PCDH7: variants seen among roughly 807,000 people sequenced by gnomAD.
The protein encoded by PCDH7 is protocadherin-7.
Under a neutral mutation model 58.9 loss-of-function variants are expected in PCDH7, and 17 were observed. That is an observed-to-expected ratio of 0.29 (90% CI 0.20 to 0.43). PCDH7 has a LOEUF of 0.43. PCDH7 is among the 20% of genes least tolerant of loss of function. The probability of loss-of-function intolerance (pLI) is 1.00; values close to 1 mark genes in which losing one functional copy is unlikely to be tolerated. For missense variants in PCDH7, 1,274 were observed against 1,441.0 expected, an observed-to-expected ratio of 0.88 and a Z score of 1.88; for synonymous variants, 664 against 616.4, an observed-to-expected ratio of 1.08 and a Z score of -1.14.
chr4:30,763,346 C>T (rs527779826), intron 1 of PCDH7, among the ~76,000 whole-genome samples: 1 of 152,248 alleles, frequency 6.6e-6, no homozygotes, highest in Non-Finnish European at 1.5e-5. Flanking sequence ...AAACATATTG[C>T]TATAAAGTCT....
chr4:31,056,597 G>A (rs914139410), intron 3 of PCDH7, among the ~76,000 whole-genome samples: 6 of 145,108 alleles, frequency 4.1e-5, no homozygotes, highest in African/African-American at 1.5e-4. Context: ...GAGGAAGGAA[G>A]GAAAGGAGAG....
Position 30,804,534 on chromosome 4 carries a change from T to TA in PCDH7, c.70+79955dup, listed in dbSNP as rs200449475. ...AACCTGGCAACAGAGCAAGACTATC[T>TA]AAAAAAAAAAAAAAAAAGATGTCAG... On this transcript the variant is annotated intron_variant, in intron 1 of 3. Coordinates refer to the PCDH7 transcript ENST00000509759. 4.5e-3 allele frequency among the ~76,000 whole-genome samples: 562 copies of TA among 125,772 alleles called. 1 individual carries two copies. The highest frequency in any genetic ancestry group is 0.014 in the Middle Eastern group (3 of 220). 82.5% of individuals were successfully genotyped at this position (125,772 alleles called of 152,430 possible).
chr4:30,758,633 A>G (rs1719620474), intron 1 of PCDH7, among the ~76,000 whole-genome samples: 1 of 152,166 alleles, frequency 6.6e-6, no homozygotes, highest in Non-Finnish European at 1.5e-5. Context: ...TTGTGTGAGC[A>G]CTAAAGGGCA....
intron 1 of PCDH7, among the ~76,000 whole-genome samples, chr4:30,739,630 T>C (rs1716807813): frequency 6.6e-6 from 1 of 152,188 alleles, no homozygotes; most frequent in Non-Finnish European, 1.5e-5. Flanking sequence ...TTACTAAAAC[T>C]TGATGTTTTC....
At chr4:30,759,795 A>G (rs1719788618) in intron 1 of PCDH7, among the ~76,000 whole-genome samples, 1 of 152,190 alleles carries the variant, frequency 6.6e-6, no homozygotes, top group East Asian at 1.9e-4. Flanking sequence ...TAGATTATTT[A>G]AGAAAGTGCC....
intron 3 of PCDH7, among the ~76,000 whole-genome samples, chr4:30,956,860 A>C (rs1219927336): frequency 6.6e-6 from 1 of 152,174 alleles, no homozygotes; most frequent in Admixed American, 6.5e-5. Flanking sequence ...ACTTGTCTTG[A>C]ATCAGCCAGA....
exon 4 of PCDH7, chr4:31,142,651 C>A: frequency 1.5e-6 from 2 of 1,367,680 alleles, no homozygotes; most frequent in Non-Finnish European, 9.8e-7. Flanking sequence ...AAAAGCTGGC[C>A]AATGGGGAGG....
At chr4:31,122,015 T>A (rs562470775) in intron 3 of PCDH7, among the ~76,000 whole-genome samples, 15 of 152,232 alleles carry the variant, frequency 9.9e-5, no homozygotes, top group South Asian at 2.1e-4. Context: ...ATTTTATTTT[T>A]TTTTTCCCCA....
At chr4:31,038,329 AATT>A (rs139869395) in intron 3 of PCDH7, among the ~76,000 whole-genome samples, 13,775 of 152,190 alleles carry the variant, frequency 0.091, 721 homozygotes, top group South Asian at 0.18. Context: ...ATTGTATTAT[AATT>A]ATTATTTACA....
chr4:30,722,175 C>G lies in PCDH7; in HGVS notation c.753C>G (p.Thr251=). The G allele has an allele frequency of 6.5e-7, 1 of 1,549,300 alleles. No homozygotes were observed. Among genetic ancestry groups the G allele is most frequent in the Non-Finnish European group, 8.7e-7 (1 of 1,148,454 alleles). The change falls in exon 1 of 2, where the codon ACC becomes ACG. Residue 251 remains threonine, a synonymous_variant. Coordinates refer to ENST00000361762, the Ensembl canonical transcript of PCDH7. The surrounding 1 kb of genome is among the most constrained non-coding windows in gnomAD (Gnocchi z 7.6). ...TGTTCGAGCTGCAGGTGGCGGACAC[C>G]CCGGACGGCGAGAAGCAGCCGCAGC...
At chr4:30,961,564 CA>C (rs1395124295) in intron 3 of PCDH7, among the ~76,000 whole-genome samples, 1 of 149,216 alleles carries the variant, frequency 6.7e-6, no homozygotes. Context: ...AAACAAAAAA[CA>C]AAAAACAAAA....
chr4:30,991,621 G>T (rs1751471224), intron 3 of PCDH7, among the ~76,000 whole-genome samples: 1 of 152,198 alleles, frequency 6.6e-6, no homozygotes, highest in Middle Eastern at 3.4e-3. Context: ...ACTTTAAAAG[G>T]CAAAGGTTAA....
intron 3 of PCDH7, among the ~76,000 whole-genome samples, chr4:31,046,591 A>C (rs769962124): frequency 6.6e-6 from 1 of 152,044 alleles, no homozygotes; most frequent in Non-Finnish European, 1.5e-5. Flanking sequence ...TCTCAGACAT[A>C]GAGTTTAAAA....
At chr4:31,141,191 G>A (rs1720208581) in intron 3 of PCDH7, among the ~76,000 whole-genome samples, 1 of 152,186 alleles carries the variant, frequency 6.6e-6, no homozygotes, top group South Asian at 2.1e-4. Flanking sequence ...CATATCTTGG[G>A]AATAATTTAA....
At chr4:30,797,995 G>A (rs1725014780) in intron 1 of PCDH7, among the ~76,000 whole-genome samples, 1 of 152,114 alleles carries the variant, frequency 6.6e-6, no homozygotes, top group African/African-American at 2.4e-5. Context: ...GCGTTCTTTT[G>A]TGTTACTCAG....
chr4:31,081,714 G>A (rs1759522872), intron 3 of PCDH7, among the ~76,000 whole-genome samples: 1 of 151,748 alleles, frequency 6.6e-6, no homozygotes, highest in African/African-American at 2.4e-5. Context: ...AAGTCAGATA[G>A]CCTAATAAGA....
intron 3 of PCDH7, among the ~76,000 whole-genome samples, chr4:31,065,867 T>C (rs1758041812): frequency 6.6e-6 from 1 of 151,948 alleles, no homozygotes; most frequent in Non-Finnish European, 1.5e-5. Flanking sequence ...AATTACTTTA[T>C]GTCAGGATTC....
At chr4:30,751,247 C>T (rs550294372) in intron 1 of PCDH7, among the ~76,000 whole-genome samples, 15 of 152,198 alleles carry the variant, frequency 9.9e-5, no homozygotes, top group Non-Finnish European at 1.6e-4. Context: ...TTCAAAGTAA[C>T]GTGGTAAAAT....
At chr4:31,011,606 C>T (rs1341073890) in intron 3 of PCDH7, among the ~76,000 whole-genome samples, 1 of 151,892 alleles carries the variant, frequency 6.6e-6, no homozygotes, top group Non-Finnish European at 1.5e-5. Flanking sequence ...ATGTGGGACC[C>T]ATAGAATGAA....
Sources: allele counts gnomAD v4.1 joint callset (sites outside exome capture counted in the v4.1 genomes callset), GRCh38; gene constraint gnomAD v4.1.1; non-coding constraint Gnocchi (gnomAD v3.1); transcripts MANE v1.5; gene names NCBI Gene and HGNC (gene_info 2026-07-23, HGNC 2026-07-21).